The following RANBP2 variants were observed in gnomAD, a reference collection of about 807,000 sequenced individuals.
The protein encoded by RANBP2 is E3 SUMO-protein ligase RanBP2.
RANBP2 carries 57 observed loss-of-function variants against 303.6 expected under a neutral mutation model. That is an observed-to-expected ratio of 0.19 (90% confidence interval 0.15 to 0.23). The LOEUF is 0.23. RANBP2 is among the 10% of genes least tolerant of loss of function. The probability of loss-of-function intolerance (pLI) is 1.00; values close to 1 mark genes in which losing one functional copy is unlikely to be tolerated. For synonymous variants in RANBP2, 1,167 were observed against 1,301.5 expected (o/e 0.90, Z 2.23); for missense variants, 3,138 against 3,780.8 (o/e 0.83, Z 4.46).
intron 6 of RANBP2, 33 bp downstream of exon 6, chr2:108,736,282 A>G: frequency 6.2e-7 from 1 of 1,611,930 alleles, no homozygotes; most frequent in Non-Finnish European, 8.5e-7. Flanking sequence ...GCTTTAGTAT[A>G]AATTGCAGTT....
chr2:109,117,124 C>A, the RANBP2 span, among the ~76,000 whole-genome samples: 1 of 152,232 alleles, frequency 6.6e-6, no homozygotes, highest in African/African-American at 2.4e-5. Context: ...GTTCTCAGAT[C>A]TCCAGCTGCA....
chr2:109,359,556 T>C, the RANBP2 span, among the ~76,000 whole-genome samples: 3 of 152,246 alleles, frequency 2.0e-5, no homozygotes, highest in African/African-American at 7.2e-5. Flanking sequence ...CATTTATACC[T>C]AATGTAAATT....
chr2:108,770,658 A>G (rs1032861609), intron 20 of RANBP2, among the ~76,000 whole-genome samples: 4 of 152,358 alleles, frequency 2.6e-5, no homozygotes, highest in African/African-American at 9.6e-5. Flanking sequence ...TCTAGTAGCC[A>G]TATTAAAAAG....
chr2:108,762,744 A>G (rs1676815353), intron 19 of RANBP2, among the ~76,000 whole-genome samples: 1 of 151,314 alleles, frequency 6.6e-6, no homozygotes. Context: ...TAATAATGTA[A>G]AGTGCTTAGA....
the RANBP2 span, among the ~76,000 whole-genome samples, chr2:109,006,212 T>C: frequency 6.6e-6 from 1 of 152,118 alleles, no homozygotes; most frequent in Admixed American, 6.5e-5. Context: ...TTTTAATTTT[T>C]AGACAGAGTC....
the RANBP2 span, chr2:109,544,450 C>A: frequency 7.2e-7 from 1 of 1,392,640 alleles, no homozygotes; most frequent in Non-Finnish European, 9.3e-7. Context: ...AAGAAAAAAC[C>A]AAAAACACCA....
the RANBP2 span, among the ~76,000 whole-genome samples, chr2:108,823,079 CT>C: frequency 1.3e-5 from 2 of 152,130 alleles, no homozygotes; most frequent in Non-Finnish European, 2.9e-5. Flanking sequence ...AAAAACACAG[CT>C]TTCCAAGACT....
chr2:109,202,488 G>A, the RANBP2 span, among the ~76,000 whole-genome samples: 6 of 152,158 alleles, frequency 3.9e-5, no homozygotes, highest in African/African-American at 1.4e-4. Context: ...CCTGGGGCGC[G>A]TTCTTGTTCC....
chr2:108,999,446 G>A, the RANBP2 span, among the ~76,000 whole-genome samples: 1 of 152,134 alleles, frequency 6.6e-6, no homozygotes, highest in South Asian at 2.1e-4. Flanking sequence ...CCCCATTTTC[G>A]GTAATTACCC....
chr2:109,087,367 C>A, the RANBP2 span, among the ~76,000 whole-genome samples: 1 of 152,150 alleles, frequency 6.6e-6, no homozygotes, highest in Admixed American at 6.5e-5. Context: ...CTTTAGGGAT[C>A]TCCTGGCCCC....
chr2:109,452,488 T>G, the RANBP2 span, among the ~76,000 whole-genome samples: 1 of 152,226 alleles, frequency 6.6e-6, no homozygotes, highest in African/African-American at 2.4e-5. Context: ...CAGCGCAGTT[T>G]CCTAGCGCTA....
At chr2:109,589,399 G>GT in the RANBP2 span, among the ~76,000 whole-genome samples, 10 of 152,062 alleles carry the variant, frequency 6.6e-5, no homozygotes, top group African/African-American at 2.4e-4. Context: ...GGGCATGGTG[G>GT]TGCATGCCTG....
At chr2:108,937,029 G>T in the RANBP2 span, among the ~76,000 whole-genome samples, 1 of 152,214 alleles carries the variant, frequency 6.6e-6, no homozygotes. Context: ...TGCTGTGCCG[G>T]GGAACAGACA....
At chr2:108,737,088 G>A (rs1695648102) in intron 6 of RANBP2, among the ~76,000 whole-genome samples, 1 of 151,216 alleles carries the variant, frequency 6.6e-6, no homozygotes, top group Non-Finnish European at 1.5e-5. Context: ...AAGGAAAGAA[G>A]TTCATTTCAC....
chr2:109,046,659 C>T, the RANBP2 span, among the ~76,000 whole-genome samples: 10 of 152,082 alleles, frequency 6.6e-5, no homozygotes, highest in African/African-American at 2.4e-4. Context: ...GGATTACAGG[C>T]GTGAGCCACC....
chr2:108,797,181 G>A, the RANBP2 span, among the ~76,000 whole-genome samples: 1 of 152,098 alleles, frequency 6.6e-6, no homozygotes, highest in African/African-American at 2.4e-5. Flanking sequence ...GAATGAGAAG[G>A]AAAATTGCTC....
At chr2:109,014,694 G>T in the RANBP2 span, among the ~76,000 whole-genome samples, 1 of 152,224 alleles carries the variant, frequency 6.6e-6, no homozygotes, top group Non-Finnish European at 1.5e-5. Context: ...CCTTGCTGTG[G>T]TGTTGCAGGA....
chr2:109,076,964 G>C, the RANBP2 span, among the ~76,000 whole-genome samples: 1 of 150,482 alleles, frequency 6.6e-6, no homozygotes, highest in Non-Finnish European at 1.5e-5. Context: ...AAGAAAGTTA[G>C]AGTCATTGCA....
At chr2:108,854,127 T>G in the RANBP2 span, among the ~76,000 whole-genome samples, 1 of 139,622 alleles carries the variant, frequency 7.2e-6, no homozygotes, top group Non-Finnish European at 1.5e-5. Context: ...TATATACATA[T>G]GTAGAAAATG....
Sources: gnomAD v4.1 joint callset for allele counts (sites outside exome capture counted in the v4.1 genomes callset) on GRCh38, gnomAD v4.1.1 for gene constraint, MANE v1.5 for transcripts, NCBI Gene and HGNC (gene_info 2026-07-23, HGNC 2026-07-21) for gene names.